SORBS2: variants seen among roughly 807,000 people sequenced by gnomAD.
SORBS2 encodes the protein sorbin and SH3 domain-containing protein 2.
A neutral mutation model predicts 97.7 loss-of-function variants in SORBS2; 46 were observed. The ratio of observed to expected loss-of-function variants is 0.47; its 90% CI spans 0.37 to 0.60. SORBS2 has a LOEUF of 0.60. SORBS2 is among the 20% of genes least tolerant of loss of function. SORBS2 has a pLI of 0.00. For synonymous variants in SORBS2, 476 were observed against 473.4 expected, an observed-to-expected ratio of 1.01 and a Z score of -0.07; for missense variants, 1,316 against 1,282.3, an observed-to-expected ratio of 1.03 and a Z score of -0.40.
intron 1 of SORBS2, among the ~76,000 whole-genome samples, chr4:185,910,331 G>T (rs2099254233): frequency 6.6e-6 from 1 of 152,128 alleles, no homozygotes; most frequent in Non-Finnish European, 1.5e-5. Flanking sequence ...TTACTGAAAA[G>T]AAATGCTGAT....
intron 2 of SORBS2, among the ~76,000 whole-genome samples, chr4:185,702,684 G>A (rs918602754): frequency 1.1e-4 from 17 of 151,654 alleles, no homozygotes; most frequent in Non-Finnish European, 7.4e-5. Context: ...TTGTACTAAA[G>A]TGGGAGTCGG....
At chr4:185,633,553 T>A (rs1299492222) in intron 4 of SORBS2, among the ~76,000 whole-genome samples, 1 of 151,894 alleles carries the variant, frequency 6.6e-6, no homozygotes, top group Non-Finnish European at 1.5e-5. Flanking sequence ...AGAATTATTG[T>A]GTAATATTAA....
At chr4:185,867,298 C>T (rs1376449862) in intron 1 of SORBS2, among the ~76,000 whole-genome samples, 2 of 152,228 alleles carry the variant, frequency 1.3e-5, no homozygotes, top group East Asian at 3.8e-4. Flanking sequence ...GCATGAGCCA[C>T]CGCGCCTGGC....
chr4:185,690,290 C>T (rs1252259879), intron 2 of SORBS2, among the ~76,000 whole-genome samples: 2 of 152,148 alleles, frequency 1.3e-5, no homozygotes, highest in African/African-American at 4.8e-5. Flanking sequence ...AAACGACATA[C>T]TACCTCTTCC....
At chr4:185,893,925 T>G (rs1579356117) in intron 1 of SORBS2, among the ~76,000 whole-genome samples, 1 of 152,144 alleles carries the variant, frequency 6.6e-6, no homozygotes, top group Non-Finnish European at 1.5e-5. Context: ...TTTTTTCCCA[T>G]GAGTTAACCT....
chr4:185,729,639 T>C, intron 2 of SORBS2, among the ~76,000 whole-genome samples: 1 of 152,270 alleles, frequency 6.6e-6, no homozygotes, highest in East Asian at 1.9e-4. Flanking sequence ...AGTACAGCTC[T>C]TCAGTTTCCT....
intron 1 of SORBS2, among the ~76,000 whole-genome samples, chr4:185,827,264 T>C (rs1404803984): frequency 1.2e-5 from 1 of 80,056 alleles, no homozygotes; most frequent in Non-Finnish European, 2.9e-5. Flanking sequence ...ATCACCATCA[T>C]CACCATCATC....
At chr4:185,929,577 G>GAGTGC (rs2099265434) in intron 1 of SORBS2, among the ~76,000 whole-genome samples, 1 of 149,936 alleles carries the variant, frequency 6.7e-6, no homozygotes, top group Non-Finnish European at 1.5e-5. Flanking sequence ...TGCTAGACTG[G>GAGTGC]AGTGCAGTGG....
chr4:185,889,375 T>G (rs1415351202), intron 1 of SORBS2, among the ~76,000 whole-genome samples: 2 of 152,130 alleles, frequency 1.3e-5, no homozygotes, highest in Non-Finnish European at 2.9e-5. Flanking sequence ...TTTTTAAGAC[T>G]GCTTCCGATG....
chr4:185,628,330 G>GAAAA (rs35791068), intron 5 of SORBS2, among the ~76,000 whole-genome samples: 82 of 144,114 alleles, frequency 5.7e-4, no homozygotes, highest in Middle Eastern at 3.6e-3. Context: ...GGAAATAACT[G>GAAAA]AAAAAAAAAA....
At chr4:185,830,582 C>G (rs747125943) in intron 1 of SORBS2, among the ~76,000 whole-genome samples, 18 of 152,082 alleles carry the variant, frequency 1.2e-4, no homozygotes, top group Non-Finnish European at 2.4e-4. Flanking sequence ...GTGGCTTCTT[C>G]GGGGAAAGTA....
At chr4:185,628,335 A>AAG (rs1195801285) in intron 5 of SORBS2, among the ~76,000 whole-genome samples, 1 of 151,972 alleles carries the variant, frequency 6.6e-6, no homozygotes, top group Non-Finnish European at 1.5e-5. Flanking sequence ...TAACTGAAAA[A>AAG]AAAAAAAGAC....
chr4:185,677,579 T>C, intron 4 of SORBS2: 1 of 1,541,704 alleles, frequency 6.5e-7, no homozygotes, highest in Non-Finnish European at 8.7e-7. Context: ...TGACACCCTT[T>C]GTGTGACTGG....
rs530204913 is a variant in SORBS2 at position 185,823,184 on chromosome 4, T to G, written c.-337-47818A>C. On this transcript the variant is annotated intron_variant, in intron 1 of 20. Coordinates refer to the SORBS2 transcript ENST00000284776. ...CTTCCTTCTTTCCCCTCCGGCCTCC[T>G]TTTCCCCTTTATGTACCGAAGTCCT... Among the ~76,000 whole-genome samples, 41 of 152,302 alleles carry G rather than the reference T, an allele frequency of 2.7e-4. 2 individuals carry two copies. In the South Asian group the frequency reaches 8.1e-3, roughly 30 times the overall value.
intron 1 of SORBS2, among the ~76,000 whole-genome samples, chr4:185,924,730 C>A (rs114550526): frequency 0.023 from 3,577 of 152,298 alleles, 147 homozygotes; most frequent in African/African-American, 0.082. Flanking sequence ...ACCGCCTCCT[C>A]CAGACTCCTC....
chr4:185,639,961 A>T (rs1333410389), intron 4 of SORBS2, among the ~76,000 whole-genome samples: 1 of 152,204 alleles, frequency 6.6e-6, no homozygotes, highest in Non-Finnish European at 1.5e-5. Flanking sequence ...AAAAGCCATG[A>T]TTTTGACATT....
At chr4:185,601,345 G>A (rs2096257378) in intron 12 of SORBS2, among the ~76,000 whole-genome samples, 1 of 152,146 alleles carries the variant, frequency 6.6e-6, no homozygotes, top group African/African-American at 2.4e-5. Flanking sequence ...AGCTGAGACC[G>A]AGGGGATATA....
At chr4:185,613,620 C>T (rs2096578460) in intron 11 of SORBS2, among the ~76,000 whole-genome samples, 1 of 130,370 alleles carries the variant, frequency 7.7e-6, no homozygotes, top group Admixed American at 9.2e-5. Flanking sequence ...GCACTCCAGC[C>T]TGGGTGACAG....
At chr4:185,698,112 T>C (rs969000981) in intron 2 of SORBS2, among the ~76,000 whole-genome samples, 4 of 152,164 alleles carry the variant, frequency 2.6e-5, no homozygotes, top group Non-Finnish European at 5.9e-5. Context: ...TACTCAAAAG[T>C]AGTTCATCTC....
Sources: gnomAD v4.1 joint callset for allele counts (sites outside exome capture counted in the v4.1 genomes callset) on GRCh38, gnomAD v4.1.1 for gene constraint, MANE v1.5 for transcripts, NCBI Gene and HGNC (gene_info 2026-07-23, HGNC 2026-07-21) for gene names.